SPATA9: variants seen among roughly 807,000 people sequenced by gnomAD.
SPATA9 encodes spermatogenesis-associated protein 9.
SPATA9 carries 27 observed loss-of-function variants against 25.5 expected under a neutral mutation model. That is an observed-to-expected ratio of 1.06 (90% CI 0.78 to 1.46). The LOEUF (loss-of-function observed/expected upper bound fraction) is 1.46, where lower values mean the gene tolerates loss of function less well. Among genes scored for constraint, SPATA9 ranks in the 40% most tolerant of loss-of-function variants. The pLI, the probability that SPATA9 is intolerant of heterozygous loss-of-function variation, is 0.00. For missense variants in SPATA9, 282 were observed against 297.5 expected, an observed-to-expected ratio of 0.95 and a Z score of 0.38; for synonymous variants, 102 against 105.7, an observed-to-expected ratio of 0.97 and a Z score of 0.21.
intron 4 of SPATA9, among the ~76,000 whole-genome samples, chr5:95,660,986 C>G (rs1751203037): frequency 6.6e-6 from 1 of 152,284 alleles, no homozygotes; most frequent in East Asian, 1.9e-4. Flanking sequence ...AAACCAGAGT[C>G]TGTTTCCACG....
upstream of SPATA9, among the ~76,000 whole-genome samples, chr5:95,699,303 T>G (rs1754121566): frequency 6.6e-6 from 1 of 152,344 alleles, no homozygotes; most frequent in East Asian, 1.9e-4. Context: ...AAATCATGCC[T>G]ACTTTACAGG....
intron 1 of SPATA9, among the ~76,000 whole-genome samples, chr5:95,694,167 A>G (rs1580357424): frequency 6.6e-6 from 1 of 152,294 alleles, no homozygotes; most frequent in Non-Finnish European, 1.5e-5. Context: ...CTCAAAAAAA[A>G]GGCAAATAAA....
At chr5:95,715,141 T>C in the SPATA9 span, among the ~76,000 whole-genome samples, 2 of 152,012 alleles carry the variant, frequency 1.3e-5, no homozygotes, top group Non-Finnish European at 1.5e-5. Flanking sequence ...CTGGCCAACA[T>C]GGTGAAACCC....
downstream of SPATA9, among the ~76,000 whole-genome samples, chr5:95,653,890 T>A (rs1166534866): frequency 2.0e-5 from 3 of 152,138 alleles, no homozygotes; most frequent in Non-Finnish European, 4.4e-5. Flanking sequence ...AGAGTGAGAC[T>A]CTGTCTCAAA....
chr5:95,682,614 CG>C lies in SPATA9; in HGVS notation c.63del (p.Ile21MetfsTer12). The C allele has an allele frequency of 6.2e-7, 1 of 1,609,598 alleles. No individual in the cohort carries two copies. The highest frequency in any genetic ancestry group is 8.5e-7 in the Non-Finnish European group (1 of 1,178,352). ...TCCATGATTGCTTTCTGGATCCCCT[CG>C]ACTAAGACAAAAAGAGGTTAGGAAA... ...GQVLKNFSGR[I>X]EGIQKAIMDL... On this transcript the variant is annotated frameshift_variant and splice_region_variant, in exon 2 of 5. Coordinates refer to ENST00000274432, the MANE Select transcript of SPATA9 (RefSeq NM_031952.4). LOFTEE classifies it high-confidence loss of function.
intron 3 of SPATA9, among the ~76,000 whole-genome samples, chr5:95,668,067 C>G (rs1751991620): frequency 6.6e-6 from 1 of 152,138 alleles, no homozygotes; most frequent in Admixed American, 6.5e-5. Flanking sequence ...GAACCATGAG[C>G]CAATTAAACC....
the SPATA9 span, chr5:95,708,713 C>T: frequency 1.5e-6 from 1 of 687,482 alleles, no homozygotes; most frequent in Non-Finnish European, 2.7e-6. Flanking sequence ...GCTCCTATGA[C>T]CGGTAAGTTG....
intron 3 of SPATA9, among the ~76,000 whole-genome samples, chr5:95,671,952 A>T (rs1273584085): frequency 6.6e-6 from 1 of 151,878 alleles, no homozygotes; most frequent in Non-Finnish European, 1.5e-5. Flanking sequence ...TATAAAAATG[A>T]AGTTCAAAAG....
rs570696073 is a variant in SPATA9 at position 95,680,187 on chromosome 5, C to T, written c.150+2341G>A. 3.3e-5 allele frequency among the ~76,000 whole-genome samples: 5 copies of T among 152,320 alleles called. No homozygotes were observed. The South Asian group carries it at 8.3e-4, about 25-fold the overall frequency. On this transcript the variant is annotated intron_variant, in intron 2 of 4. Transcript: ENST00000274432. ...TGCTGGGATTACAGGCCTGAGCCACCGCGCCTGGCCCAGTTAACGTATTTT... is the reference window on the plus strand; with the variant it reads ...TGCTGGGATTACAGGCCTGAGCCACTGCGCCTGGCCCAGTTAACGTATTTT...
the SPATA9 span, among the ~76,000 whole-genome samples, chr5:95,707,095 G>T: frequency 6.6e-6 from 1 of 152,226 alleles, no homozygotes; most frequent in African/African-American, 2.4e-5. Flanking sequence ...GTGAATCTTA[G>T]AATTCTTAAG....
upstream of SPATA9, among the ~76,000 whole-genome samples, chr5:95,683,935 C>T (rs2112694732): frequency 6.6e-6 from 1 of 152,276 alleles, no homozygotes; most frequent in East Asian, 1.9e-4. Context: ...AGACCACTTT[C>T]TTCAGCAAGC....
chr5:95,670,953 A>G (rs1020568130), intron 3 of SPATA9: 2 of 952,380 alleles, frequency 2.1e-6, no homozygotes, highest in South Asian at 4.9e-5. Flanking sequence ...CTGATTATCA[A>G]CCCTAGCTAC....
chr5:95,686,727 G>T (rs903220639), upstream of SPATA9, among the ~76,000 whole-genome samples: 1 of 152,114 alleles, frequency 6.6e-6, no homozygotes, highest in South Asian at 2.1e-4. Flanking sequence ...ATTCAGTGAG[G>T]CATCCCACTC....
the SPATA9 span, among the ~76,000 whole-genome samples, chr5:95,710,287 T>C: frequency 6.6e-6 from 1 of 152,196 alleles, no homozygotes; most frequent in African/African-American, 2.4e-5. Flanking sequence ...TCATGGATAG[T>C]AGCTGGATTC....
chr5:95,710,989 C>T, the SPATA9 span, among the ~76,000 whole-genome samples: 1 of 152,034 alleles, frequency 6.6e-6, no homozygotes, highest in Non-Finnish European at 1.5e-5. Context: ...CGGCTATTTT[C>T]GGGGGCCGCC....
At chr5:95,707,327 CAAGA>C in the SPATA9 span, among the ~76,000 whole-genome samples, 1 of 151,830 alleles carries the variant, frequency 6.6e-6, no homozygotes, top group South Asian at 2.1e-4. Flanking sequence ...ACCTTTAGAA[CAAGA>C]ATAATTGTTG....
chr5:95,717,555 G>A, the SPATA9 span: 4 of 152,298 alleles, frequency 2.6e-5, no homozygotes, highest in African/African-American at 7.2e-5. Flanking sequence ...TAATACAGTT[G>A]GTGACAAAGG....
the SPATA9 span, among the ~76,000 whole-genome samples, chr5:95,709,907 G>A: frequency 6.6e-6 from 1 of 152,134 alleles, no homozygotes; most frequent in Non-Finnish European, 1.5e-5. Flanking sequence ...TGAAGATGGG[G>A]GATTCTTCTT....
At chr5:95,682,446 A>G (rs1753546852) in intron 2 of SPATA9, 82 bp downstream of exon 2, 1 of 1,017,360 alleles carries the variant, frequency 9.8e-7, no homozygotes, top group East Asian at 2.7e-5. Context: ...TGATCTCAAA[A>G]TCAAGCATTA....
Sources: allele counts gnomAD v4.1 joint callset (sites outside exome capture counted in the v4.1 genomes callset), GRCh38; gene constraint gnomAD v4.1.1; transcripts MANE v1.5; gene names NCBI Gene and HGNC (gene_info 2026-07-23, HGNC 2026-07-21).